DPP6: variants seen among roughly 807,000 people sequenced by gnomAD.
DPP6 encodes A-type potassium channel modulatory protein DPP6.
A neutral mutation model predicts 122.6 loss-of-function variants in DPP6; 69 were observed. That is an observed-to-expected ratio of 0.56 (90% CI 0.46 to 0.69). The LOEUF is 0.69. Among genes scored for constraint, DPP6 ranks in the 30% least tolerant of loss-of-function variants. DPP6 has a pLI of 0.00. For synonymous variants in DPP6, 418 were observed against 433.1 expected (o/e 0.97, Z 0.43); for missense variants, 928 against 1,116.9 (o/e 0.83, Z 2.41).
In DPP6 at chr7:154,062,017, G is replaced by A. The variant is rs933843767; in HGVS notation, c.243+8954G>A. On this transcript the variant is annotated intron_variant, in intron 1 of 25. Transcript: ENST00000377770. Reference sequence around the variant, plus strand: ...TGGCTGTTGGTACCCCCATCGCAGGGGGGGGGAGGCACCCCCCGCGAGGCA... The same window carrying A: ...TGGCTGTTGGTACCCCCATCGCAGGAGGGGGGAGGCACCCCCCGCGAGGCA... 1.9e-3 allele frequency among the ~76,000 whole-genome samples: 167 copies of A among 87,260 alleles called. 5 individuals carry two copies. Among genetic ancestry groups the A allele is most frequent in the East Asian group, 3.8e-3 (10 of 2,616 alleles). 57.2% of individuals were successfully genotyped at this position (87,260 alleles called of 152,430 possible). A position where few individuals can be genotyped will look rare whatever the true frequency, so the allele number is the denominator to read the frequency against.
intron 8 of DPP6, among the ~76,000 whole-genome samples, chr7:154,758,408 G>A (rs1460175731): frequency 1.4e-5 from 2 of 145,314 alleles, no homozygotes; most frequent in Admixed American, 6.9e-5. Context: ...GTCTCGCTCT[G>A]TTGCCCAGGC....
intron 5 of DPP6, among the ~76,000 whole-genome samples, chr7:154,631,597 G>T (rs1835411839): frequency 4.6e-5 from 7 of 151,948 alleles, no homozygotes; most frequent in Admixed American, 2.6e-4. Context: ...AGCATGGGAG[G>T]CAGTGGTTGC....
intron 2 of DPP6, among the ~76,000 whole-genome samples, chr7:154,463,730 G>T (rs1821535973): frequency 6.6e-6 from 1 of 151,054 alleles, no homozygotes; most frequent in African/African-American, 2.4e-5. Flanking sequence ...CAGGCACAGG[G>T]TATGTTTAGA....
chr7:153,846,963 A>T, the DPP6 span, among the ~76,000 whole-genome samples: 1 of 152,090 alleles, frequency 6.6e-6, no homozygotes, highest in African/African-American at 2.4e-5. Context: ...CTGGAGTTAC[A>T]GGCATGAGCC....
At chr7:154,840,735 C>T (rs971431764) in intron 16 of DPP6, among the ~76,000 whole-genome samples, 1 of 152,164 alleles carries the variant, frequency 6.6e-6, no homozygotes, top group African/African-American at 2.4e-5. Context: ...ACCTTCATTA[C>T]CAAACTTCAT....
At chr7:154,802,596 C>T (rs1426608111) in intron 13 of DPP6, among the ~76,000 whole-genome samples, 8 of 152,246 alleles carry the variant, frequency 5.3e-5, no homozygotes, top group Non-Finnish European at 1.0e-4. Flanking sequence ...CGGTGGCTCA[C>T]GCCTGTAATC....
chr7:153,780,576 C>A, the DPP6 span, among the ~76,000 whole-genome samples: 1 of 152,094 alleles, frequency 6.6e-6, no homozygotes, highest in Non-Finnish European at 1.5e-5. Flanking sequence ...ATCTGAAGAA[C>A]GTACTTGGGC....
chr7:153,918,487 CTCTT>C (rs1407533322), intron 1 of DPP6, among the ~76,000 whole-genome samples: 85 of 130,948 alleles, frequency 6.5e-4, no homozygotes, highest in African/African-American at 2.5e-3. Flanking sequence ...CTCTCTCTCT[CTCTT>C]TTTCTGCCAA....
chr7:153,764,223 T>C, the DPP6 span, among the ~76,000 whole-genome samples: 16 of 152,244 alleles, frequency 1.1e-4, no homozygotes, highest in South Asian at 4.2e-4. Context: ...TGAGCTTGAG[T>C]GGCTGTGGGT....
At chr7:154,588,113 C>G in intron 5 of DPP6, 1 of 1,582,770 alleles carries the variant, frequency 6.3e-7, no homozygotes. Context: ...CCAGCACAGG[C>G]TTGTTCCTTC....
chr7:154,787,267 T>C (rs1797391232), intron 10 of DPP6, among the ~76,000 whole-genome samples: 1 of 152,254 alleles, frequency 6.6e-6, no homozygotes, highest in African/African-American at 2.4e-5. Context: ...TGATAAATTA[T>C]CCTTTGAGAT....
intron 1 of DPP6, among the ~76,000 whole-genome samples, chr7:154,384,086 C>T (rs1245561651): frequency 1.3e-5 from 2 of 151,988 alleles, no homozygotes. Flanking sequence ...ATTCAGTCTC[C>T]CGGGTGCTCC....
intron 4 of DPP6, 126 bp from the exon 5 acceptor site, chr7:154,566,716 G>A (rs1830774134): frequency 5.0e-6 from 3 of 596,388 alleles, no homozygotes; most frequent in Non-Finnish European, 8.8e-6. Flanking sequence ...AGCTAACAAA[G>A]AAAGGATATA....
At chr7:154,717,400 A>G (rs947834999) in intron 7 of DPP6, among the ~76,000 whole-genome samples, 1 of 151,512 alleles carries the variant, frequency 6.6e-6, no homozygotes, top group African/African-American at 2.4e-5. Flanking sequence ...ACACACACAC[A>G]CGCACCCTTC....
At chr7:154,829,712 A>G (rs112675941) in intron 16 of DPP6, among the ~76,000 whole-genome samples, 1 of 152,126 alleles carries the variant, frequency 6.6e-6, no homozygotes, top group South Asian at 2.1e-4. Flanking sequence ...CCAGATGGGA[A>G]CTTTGAGGTT....
intron 1 of DPP6, among the ~76,000 whole-genome samples, chr7:154,068,014 G>C (rs187625825): frequency 1.3e-5 from 2 of 150,720 alleles, no homozygotes; most frequent in South Asian, 4.2e-4. Flanking sequence ...CTCCCACCTC[G>C]GTCTCCCAAA....
intron 1 of DPP6, among the ~76,000 whole-genome samples, chr7:154,351,095 G>C (rs1258734305): frequency 2.0e-5 from 3 of 152,210 alleles, no homozygotes; most frequent in African/African-American, 7.2e-5. Context: ...ACGGGGGCAC[G>C]TGACTTCTAA....
chr7:154,575,197 G>C (rs1831486092), intron 5 of DPP6, among the ~76,000 whole-genome samples: 1 of 120,352 alleles, frequency 8.3e-6, no homozygotes, highest in Non-Finnish European at 1.7e-5. Context: ...TGTGGTGTGT[G>C]TGGTGTCTGT....
At chr7:154,138,023 G>C (rs144719861) in intron 1 of DPP6, among the ~76,000 whole-genome samples, 3 of 152,154 alleles carry the variant, frequency 2.0e-5, no homozygotes, top group Non-Finnish European at 4.4e-5. Flanking sequence ...GGGTGTTTCT[G>C]CAGAAAAACA....
Sources: allele counts gnomAD v4.1 joint callset (sites outside exome capture counted in the v4.1 genomes callset), GRCh38; gene constraint gnomAD v4.1.1; transcripts MANE v1.5; gene names NCBI Gene and HGNC (gene_info 2026-07-23, HGNC 2026-07-21).